CSMD1: variants seen among roughly 807,000 people sequenced by gnomAD.
The protein encoded by CSMD1 is CUB and sushi domain-containing protein 1.
CSMD1 carries 213 observed loss-of-function variants against 417.5 expected under a neutral mutation model. That is an observed-to-expected ratio of 0.51 (90% confidence interval 0.46 to 0.57). The LOEUF (loss-of-function observed/expected upper bound fraction) is 0.57. CSMD1 is among the 20% of genes least tolerant of loss of function. The pLI, the probability that CSMD1 is intolerant of heterozygous loss-of-function variation, is 0.00. For synonymous variants in CSMD1, 2,862 were observed against 1,736.8 expected (o/e 1.65, Z -16.11); for missense variants, 6,923 against 4,529.7 (o/e 1.53, Z -15.17).
chr8:4,696,825 A>G (rs1346991143), intron 1 of CSMD1, among the ~76,000 whole-genome samples: 1 of 152,242 alleles, frequency 6.6e-6, no homozygotes, highest in Non-Finnish European at 1.5e-5. Flanking sequence ...TTCATTCCAC[A>G]AAAATCACAA....
chr8:4,545,476 C>T (rs1393172271), intron 2 of CSMD1, among the ~76,000 whole-genome samples: 2 of 152,106 alleles, frequency 1.3e-5, no homozygotes, highest in Non-Finnish European at 2.9e-5. Flanking sequence ...ACCTACTTTT[C>T]AATATATCTT....
intron 3 of CSMD1, among the ~76,000 whole-genome samples, chr8:4,174,520 C>T (rs139430523): frequency 6.6e-6 from 1 of 150,956 alleles, no homozygotes; most frequent in Non-Finnish European, 1.5e-5. Flanking sequence ...TAATAAATGA[C>T]CCCCATGTCC....
intron 17 of CSMD1, among the ~76,000 whole-genome samples, chr8:3,391,689 G>T (rs930330399): frequency 6.6e-6 from 1 of 152,186 alleles, no homozygotes; most frequent in African/African-American, 2.4e-5. Flanking sequence ...AAGGCCTTCT[G>T]GAGTGAATGC....
At chr8:4,535,320 T>C (rs566131762) in intron 2 of CSMD1, among the ~76,000 whole-genome samples, 2 of 152,270 alleles carry the variant, frequency 1.3e-5, no homozygotes, top group South Asian at 2.1e-4. Context: ...AAATAATATG[T>C]AGTTATAGAG....
At chr8:4,279,150 A>G (rs1195674398) in intron 3 of CSMD1, among the ~76,000 whole-genome samples, 1 of 152,144 alleles carries the variant, frequency 6.6e-6, no homozygotes, top group East Asian at 1.9e-4. Context: ...AGACGTGCAA[A>G]GGAAATTATT....
intron 7 of CSMD1, among the ~76,000 whole-genome samples, chr8:3,635,305 C>G (rs889565410): frequency 1.3e-5 from 2 of 152,110 alleles, no homozygotes; most frequent in Admixed American, 6.5e-5. Context: ...AAAACCCCAT[C>G]TCTACTAAAA....
At chr8:3,824,189 G>C (rs1021357298) in intron 5 of CSMD1, among the ~76,000 whole-genome samples, 1 of 151,576 alleles carries the variant, frequency 6.6e-6, no homozygotes, top group Non-Finnish European at 1.5e-5. Flanking sequence ...TGGAGATGAT[G>C]ACTAATTTAT....
At chr8:3,706,211 C>G (rs1307282671) in intron 7 of CSMD1, among the ~76,000 whole-genome samples, 2 of 152,210 alleles carry the variant, frequency 1.3e-5, no homozygotes, top group Non-Finnish European at 2.9e-5. Context: ...AGTTTACACC[C>G]CTCTTGATTT....
chr8:3,858,665 CAGG>C (rs1234794643), intron 5 of CSMD1, among the ~76,000 whole-genome samples: 2 of 130,542 alleles, frequency 1.5e-5, no homozygotes, highest in African/African-American at 7.4e-5. Context: ...TTATAATCTT[CAGG>C]AGAACTTTTT....
At chr8:3,471,152 T>C (rs2117198079) in intron 11 of CSMD1, among the ~76,000 whole-genome samples, 1 of 152,296 alleles carries the variant, frequency 6.6e-6, no homozygotes, top group South Asian at 2.1e-4. Flanking sequence ...CCCAGATTCT[T>C]TGTATTCTCA....
At chr8:4,830,581 A>G (rs1800092775) in intron 1 of CSMD1, among the ~76,000 whole-genome samples, 1 of 152,230 alleles carries the variant, frequency 6.6e-6, no homozygotes, top group Non-Finnish European at 1.5e-5. Context: ...TACAAATTAG[A>G]TAGATGACAA....
intron 3 of CSMD1, among the ~76,000 whole-genome samples, chr8:4,043,565 C>G (rs569735537): frequency 6.6e-6 from 1 of 152,178 alleles, no homozygotes; most frequent in Non-Finnish European, 1.5e-5. Flanking sequence ...ATGTGTGCTG[C>G]TGTCTGGCCG....
intron 5 of CSMD1, among the ~76,000 whole-genome samples, chr8:3,990,772 C>T (rs1273040667): frequency 6.6e-6 from 1 of 152,060 alleles, no homozygotes; most frequent in Non-Finnish European, 1.5e-5. Flanking sequence ...GTGAGTCCAT[C>T]CCTTTCATGA....
chr8:4,567,466 A>C (rs1171526986), intron 2 of CSMD1, among the ~76,000 whole-genome samples: 2 of 152,320 alleles, frequency 1.3e-5, no homozygotes, highest in East Asian at 3.9e-4. Context: ...GGAAGGAGGA[A>C]GAAAAGAGCA....
chr8:4,460,827 G>C (rs1399584439), intron 2 of CSMD1, among the ~76,000 whole-genome samples: 2 of 152,088 alleles, frequency 1.3e-5, no homozygotes, highest in Admixed American at 1.3e-4. Flanking sequence ...GGCTTCACTG[G>C]TGAATTCTAC....
intron 3 of CSMD1, among the ~76,000 whole-genome samples, chr8:4,135,315 G>C (rs977290927): frequency 8.2e-6 from 1 of 121,580 alleles, no homozygotes; most frequent in African/African-American, 3.0e-5. Flanking sequence ...GAAGAAAGGA[G>C]GGAGGAGCGA....
intron 5 of CSMD1, among the ~76,000 whole-genome samples, chr8:3,857,321 T>C (rs1300244248): frequency 6.6e-6 from 1 of 151,942 alleles, no homozygotes; most frequent in Non-Finnish European, 1.5e-5. Context: ...ATTAGGGAGG[T>C]GAGAAAGACC....
chr8:4,993,445 G>A (rs895530562), intron 1 of CSMD1, among the ~76,000 whole-genome samples: 2 of 118,920 alleles, frequency 1.7e-5, no homozygotes, highest in Non-Finnish European at 4.2e-5. Context: ...GTTCTTTCCC[G>A]GAGAATAAAC....
At chr8:4,767,972 A>G (rs1347555961) in intron 1 of CSMD1, among the ~76,000 whole-genome samples, 2 of 152,192 alleles carry the variant, frequency 1.3e-5, no homozygotes, top group African/African-American at 2.4e-5. Flanking sequence ...GGGTCAATCT[A>G]GCACAGAGTG....
Sources: allele counts gnomAD v4.1 joint callset (sites outside exome capture counted in the v4.1 genomes callset), GRCh38; gene constraint gnomAD v4.1.1; transcripts MANE v1.5; gene names NCBI Gene and HGNC (gene_info 2026-07-23, HGNC 2026-07-21).